The following NKTR variants were observed in gnomAD, a reference collection of about 807,000 sequenced individuals.
The protein encoded by NKTR is NK-tumor recognition protein.
NKTR carries 67 observed loss-of-function variants against 156.3 expected under a neutral mutation model. The observed-to-expected ratio is 0.43, with a 90% CI of 0.35 to 0.53. NKTR has a LOEUF of 0.53. NKTR is among the 20% of genes least tolerant of loss of function. The pLI is 0.01. For missense variants in NKTR, 1,604 were observed against 1,730.9 expected, an observed-to-expected ratio of 0.93 and a Z score of 1.30; for synonymous variants, 640 against 596.6, an observed-to-expected ratio of 1.07 and a Z score of -1.06.
At chr3:42,612,247 A>T (rs1013614401) in intron 2 of NKTR, 1 of 152,102 alleles carries the variant, frequency 6.6e-6, no homozygotes, top group Non-Finnish European at 1.5e-5. Flanking sequence ...CTTGTGTATG[A>T]AAAGAAACTG....
At chr3:42,642,734 T>G (rs1577593159) in intron 14 of NKTR, 138 bp downstream of exon 14, 2 of 661,790 alleles carry the variant, frequency 3.0e-6, no homozygotes, top group Non-Finnish European at 5.5e-6. Flanking sequence ...ATGTAGTTTT[T>G]TCTATGTAAG....
At chr3:42,642,952 GTA>G (rs1196589434) in intron 14 of NKTR, among the ~76,000 whole-genome samples, 1 of 152,190 alleles carries the variant, frequency 6.6e-6, no homozygotes, top group Non-Finnish European at 1.5e-5. Context: ...AGAGGAAGAA[GTA>G]TATATATGGT....
At position 42,637,067 on chromosome 3, in the gene NKTR, A is replaced by G. The variant is rs1709490149; in HGVS notation, c.1363A>G (p.Lys455Glu). 6.2e-7 allele frequency: 1 copy of G among 1,604,414 alleles called. No homozygotes were observed. Among genetic ancestry groups the G allele is most frequent in the East Asian group, 2.2e-5 (1 of 44,840 alleles). ...QKHCRRHKQTKKRRILIPSDI... is the reference protein window; with the variant it reads ...QKHCRRHKQTEKRRILIPSDI... ...ACACTGCAGAAGACACAAACAAACA[A>G]AGAAGAGAAGGATTCTTATACCGTC... The change falls in exon 13 of 17, where the codon AAG becomes GAG. Residue 455 changes from lysine to glutamate, a missense_variant. Transcript: ENST00000232978.
rs763336626 is a variant in NKTR at position 42,635,278 on chromosome 3, A to G, written c.1075A>G (p.Ser359Gly). 1 of 1,613,850 alleles carries G rather than the reference A, an allele frequency of 6.2e-7. No homozygotes were observed. Among genetic ancestry groups the G allele is most frequent in the Non-Finnish European group, 8.5e-7 (1 of 1,179,758 alleles). Reference sequence around the variant, plus strand: ...TTCTGAGTCAGATGATGATGACAGCAGTGAAACTCCTCCTCACTGGAAAGA... The same window carrying G: ...TTCTGAGTCAGATGATGATGACAGCGGTGAAACTCCTCCTCACTGGAAAGA... ...SCSESDDDDSSETPPHWKEEM... is the reference protein window; with the variant it reads ...SCSESDDDDSGETPPHWKEEM... Residue 359 changes from serine to glycine, a missense_variant, in exon 12 of 17, where the codon AGT (serine) becomes GGT (glycine). Around this residue, in one of 6 missense-constraint regions of NKTR, gnomAD observed 1,255 missense variants for 1,243.7 expected, o/e 1.01. Transcript: ENST00000232978.
In NKTR at chr3:42,638,242, A is replaced by G; in HGVS notation, c.2538A>G (p.Lys846=). The G allele has an allele frequency of 1.2e-6, 2 of 1,613,098 alleles. No individual in the cohort carries two copies. The highest frequency in any genetic ancestry group is 2.2e-5 in the South Asian group (2 of 90,882). ...AAGAAAAAAACAGAGGTGAAGAAAA[A>G]TCCAAGTCTGAACGGGAATGCCCTC... The part of the protein sequence containing the change: ...NKQEKNRGEE[K]SKSERECPHS... Residue 846 remains lysine, a synonymous_variant, in exon 13 of 17, where the codon AAA becomes AAG. Coordinates refer to ENST00000232978, the MANE Select transcript of NKTR (RefSeq NM_005385.4).
In NKTR at chr3:42,619,167, A is replaced by G. The variant is rs1170062417; in HGVS notation, c.241+40A>G. 16 of 1,581,002 alleles carry G rather than the reference A, an allele frequency of 1.0e-5. No homozygotes were observed. In the Admixed American group the frequency reaches 1.2e-4, roughly 12 times the overall value. ...TGTGTTCCTAATAACTCCATCTATCAGTTTTTAAAGTATTTCATTATTACT... is the reference window on the plus strand; with the variant it reads ...TGTGTTCCTAATAACTCCATCTATCGGTTTTTAAAGTATTTCATTATTACT... On this transcript the variant is annotated intron_variant, in intron 4 of 16. Coordinates refer to ENST00000232978, the MANE Select transcript of NKTR (RefSeq NM_005385.4).
intron 2 of NKTR, among the ~76,000 whole-genome samples, chr3:42,609,108 A>G (rs1706522691): frequency 6.6e-6 from 1 of 151,618 alleles, no homozygotes; most frequent in African/African-American, 2.4e-5. Context: ...TGCCTGGGCA[A>G]TAGAGCAAGA....
At chr3:42,603,504 A>G (rs1045706391) in intron 2 of NKTR, among the ~76,000 whole-genome samples, 1 of 152,122 alleles carries the variant, frequency 6.6e-6, no homozygotes, top group African/African-American at 2.4e-5. Context: ...AATATGTTTG[A>G]CAAATGTTCA....
At chr3:42,613,647 G>A (rs1375932040) in intron 2 of NKTR, among the ~76,000 whole-genome samples, 13 of 152,156 alleles carry the variant, frequency 8.5e-5, no homozygotes, top group African/African-American at 2.9e-4. Flanking sequence ...ATTGAAAGAT[G>A]ATGTTTGATT....
chr3:42,639,694 G>A lies in NKTR; in HGVS notation c.3990G>A (p.Arg1330=), dbSNP rs1353766788. ...KSETKSRHRT[R]SVSYSHSRSR... is the part of the protein sequence containing the mutation. ...AAACCAAATCAAGACACAGAACAAG[G>A]TCTGTCTCCTATAGTCACTCAAGAA... The change falls in exon 13 of 17, where the codon AGG becomes AGA. Residue 1330 remains arginine (R), a synonymous_variant. Coordinates refer to ENST00000232978, the MANE Select transcript of NKTR (RefSeq NM_005385.4). 3.1e-6 allele frequency: 5 copies of A among 1,613,554 alleles called. No individual in the cohort carries two copies. The African/African-American group carries it at 6.7e-5, about 22-fold the overall frequency.
intron 6 of NKTR, chr3:42,629,830 T>G: frequency 1.0e-6 from 1 of 985,414 alleles, no homozygotes; most frequent in Non-Finnish European, 1.2e-6. Context: ...TGTCTGACAG[T>G]TGGTGACTGT....
intron 9 of NKTR, 69 bp from the exon 10 acceptor site, chr3:42,633,511 A>G: frequency 2.1e-5 from 33 of 1,553,250 alleles, no homozygotes; most frequent in Non-Finnish European, 2.8e-5. Flanking sequence ...TTTAGTAACT[A>G]ATTTTATGTG....
intron 13 of NKTR, among the ~76,000 whole-genome samples, chr3:42,642,170 T>C (rs947532187): frequency 2.0e-5 from 3 of 152,230 alleles, no homozygotes; most frequent in Admixed American, 1.3e-4. Flanking sequence ...TATTTCGTTA[T>C]ATATCTCTAC....
chr3:42,609,328 C>G (rs1286401656), intron 2 of NKTR, among the ~76,000 whole-genome samples: 1 of 152,092 alleles, frequency 6.6e-6, no homozygotes, highest in African/African-American at 2.4e-5. Context: ...TATTAAATTT[C>G]TTTGGTGTAG....
In NKTR at chr3:42,638,097, A is replaced by T. The variant is rs1362905929; in HGVS notation, c.2393A>T (p.Tyr798Phe). 13 of 1,614,020 alleles carry T rather than the reference A, an allele frequency of 8.1e-6. No homozygotes were observed. In the Admixed American group the frequency reaches 2.2e-4, roughly 27 times the overall value. ...GRDRSSCVRK[Y>F]SESRSSLDYS... ...GACAGGTCTTCATGTGTGAGAAAGTATAGCGAGAGCAGATCATCTTTAGAT... is the reference window on the plus strand; with the variant it reads ...GACAGGTCTTCATGTGTGAGAAAGTTTAGCGAGAGCAGATCATCTTTAGAT... Residue 798 changes from tyrosine to phenylalanine, a missense_variant, in exon 13 of 17, where the codon TAT becomes TTT. Tyr to Phe is a conservative substitution (Grantham distance 22). Transcript: ENST00000232978.
intron 2 of NKTR, among the ~76,000 whole-genome samples, chr3:42,608,200 A>T (rs1244898521): frequency 6.6e-6 from 1 of 151,632 alleles, no homozygotes; most frequent in African/African-American, 2.4e-5. Flanking sequence ...TATGTTGGTC[A>T]GGCTGGTCCT....
rs763803283 is a variant in NKTR at position 42,617,592 on chromosome 3, C to T, written c.81C>T (p.Leu27=). 4.4e-6 allele frequency: 7 copies of T among 1,602,068 alleles called. No homozygotes were observed. The highest frequency in any genetic ancestry group is 6.0e-6 in the Non-Finnish European group (7 of 1,169,658). ...CAGTTGGTCGCATTATGTTTCAGCTCTTCTCAGACATATGTCCAAAAACAT... is the reference window on the plus strand; with the variant it reads ...CAGTTGGTCGCATTATGTTTCAGCTTTTCTCAGACATATGTCCAAAAACAT... ...REPVGRIMFQ[L]FSDICPKTCK... is the part of the protein sequence containing the mutation. The change falls in exon 3 of 17, where the codon CTC becomes CTT. Residue 27 remains leucine, a synonymous_variant. Transcript: ENST00000232978.
rs574516377 is a variant in NKTR at position 42,611,687 on chromosome 3, C to T, written c.59-5883C>T. On this transcript the variant is annotated intron_variant, in intron 2 of 16. Coordinates refer to ENST00000232978, the MANE Select transcript of NKTR (RefSeq NM_005385.4). ...GGCGGAGATTGCAGTGAGCCAAGAT[C>T]GTGCCACTGCACTCCAGCCTGGGTG... 9.6e-5 allele frequency among the ~76,000 whole-genome samples: 14 copies of T among 145,310 alleles called. No homozygotes were observed. In the South Asian group the frequency reaches 1.1e-3, roughly 12 times the overall value.
At chr3:42,643,585 AT>A in intron 15 of NKTR, 190 bp downstream of exon 15, 1 of 629,382 alleles carries the variant, frequency 1.6e-6, no homozygotes, top group South Asian at 2.0e-5. Flanking sequence ...AGTGTCAAAA[AT>A]GACAATATCA....
Sources: allele counts gnomAD v4.1 joint callset (sites outside exome capture counted in the v4.1 genomes callset), GRCh38; gene constraint gnomAD v4.1.1; regional missense constraint gnomAD v4.1.1; transcripts MANE v1.5; gene names NCBI Gene and HGNC (gene_info 2026-07-23, HGNC 2026-07-21).